The following PARP8 variants were observed in gnomAD, a reference collection of about 807,000 sequenced individuals.
PARP8 encodes poly(ADP-ribose) polymerase family member 8.
In PARP8, 51 loss-of-function variants were observed where a neutral mutation model predicts 124.1. That is an observed-to-expected ratio of 0.41 (90% CI 0.33 to 0.52). PARP8 has a LOEUF of 0.52. Among genes scored for constraint, PARP8 ranks in the 20% least tolerant of loss-of-function variants. The pLI, the probability that PARP8 is intolerant of heterozygous loss-of-function variation, is 0.21. For missense variants in PARP8, 860 were observed against 1,018.9 expected, an observed-to-expected ratio of 0.84 and a Z score of 2.12; for synonymous variants, 391 against 361.5, an observed-to-expected ratio of 1.08 and a Z score of -0.93.
At chr5:50,778,537 A>G in intron 8 of PARP8, 23 bp from the exon 9 acceptor site, 1 of 1,553,164 alleles carries the variant, frequency 6.4e-7, no homozygotes, top group South Asian at 1.2e-5. Context: ...TGATTAATTC[A>G]TCTTTTAAAT....
rs758320963 is a variant in PARP8, at chr5:50,795,354, C to G, written c.1365C>G (p.Leu455=). 178 of 1,613,934 alleles carry G rather than the reference C, an allele frequency of 1.1e-4. No homozygotes were observed. Among genetic ancestry groups the G allele is most frequent in the Non-Finnish European group, 1.5e-4 (172 of 1,179,968 alleles). Reference sequence around the variant, plus strand: ...AACCTAACGCAGAGGGCAGGAGGCTCTCTCTTACCTCAGGGCTTATTGGTA... The same window carrying G: ...AACCTAACGCAGAGGGCAGGAGGCTGTCTCTTACCTCAGGGCTTATTGGTA... The part of the protein sequence containing the change: ...FKEPNAEGRR[L]SLTSGLIGIL... The change falls in exon 12 of 26, where the codon CTC becomes CTG. Residue 455 remains leucine (L), a synonymous_variant. Transcript: ENST00000281631.
At chr5:50,725,734 G>A (rs1756359471) in intron 2 of PARP8, among the ~76,000 whole-genome samples, 1 of 152,144 alleles carries the variant, frequency 6.6e-6, no homozygotes, top group African/African-American at 2.4e-5. Flanking sequence ...TCAGGCAACT[G>A]TCTGTAGTTT....
intron 2 of PARP8, among the ~76,000 whole-genome samples, chr5:50,718,733 A>C (rs1431907412): frequency 1.3e-5 from 2 of 151,992 alleles, no homozygotes; most frequent in Non-Finnish European, 2.9e-5. Context: ...ATGGACACTT[A>C]GGTTACTTCC....
intron 3 of PARP8, among the ~76,000 whole-genome samples, chr5:50,750,984 C>G (rs1467963411): frequency 6.6e-6 from 1 of 152,008 alleles, no homozygotes; most frequent in Admixed American, 6.6e-5. Context: ...GTTTTTGATG[C>G]TATGTTTGCC....
At chr5:50,787,776 T>C (rs531479999) in intron 9 of PARP8, among the ~76,000 whole-genome samples, 30 of 151,698 alleles carry the variant, frequency 2.0e-4, no homozygotes, top group African/African-American at 6.8e-4. Context: ...TAAAGAAATA[T>C]ATGTATATAT....
chr5:50,679,164 AAAAGCAGC>A (rs1561234071), intron 2 of PARP8, among the ~76,000 whole-genome samples: 1 of 152,176 alleles, frequency 6.6e-6, no homozygotes, highest in Non-Finnish European at 1.5e-5. Context: ...ACAAAAGTTA[AAAAGCAGC>A]AATAGTGTAC....
At chr5:50,684,319 T>C (rs1751615577) in intron 2 of PARP8, among the ~76,000 whole-genome samples, 1 of 152,060 alleles carries the variant, frequency 6.6e-6, no homozygotes, top group Admixed American at 6.6e-5. Context: ...GGTCCTGAAA[T>C]CAGTAGCCTT....
intron 3 of PARP8, among the ~76,000 whole-genome samples, chr5:50,750,878 A>G (rs1413767246): frequency 6.6e-6 from 1 of 151,714 alleles, no homozygotes; most frequent in African/African-American, 2.4e-5. Context: ...AGTGTTCTAG[A>G]GAAATTTTAC....
At chr5:50,784,279 G>A (rs1317333914) in intron 9 of PARP8, among the ~76,000 whole-genome samples, 1 of 152,152 alleles carries the variant, frequency 6.6e-6, no homozygotes, top group Admixed American at 6.5e-5. Flanking sequence ...GAAATGATAC[G>A]AATTGAAGAC....
intron 2 of PARP8, among the ~76,000 whole-genome samples, chr5:50,695,315 A>G (rs1752910201): frequency 1.3e-5 from 2 of 152,120 alleles, no homozygotes; most frequent in South Asian, 2.1e-4. Flanking sequence ...AGGTGTCACC[A>G]TGACCTGATG....
At position 50,733,111 on chromosome 5, in the gene PARP8, G is replaced by A. The variant is rs988833748; in HGVS notation, c.147-17040G>A. On this transcript the variant is annotated intron_variant, in intron 2 of 25. Coordinates refer to ENST00000281631, the MANE Select transcript of PARP8 (RefSeq NM_024615.4). ...GAGGTCAGGAGTTTGAGAACAGTCT[G>A]GCCAACATGGTGAAACCCAGTCTTT... is the stretch of plus-strand genomic sequence containing the variant. Among the ~76,000 whole-genome samples, 9 of 151,804 alleles carry A rather than the reference G, an allele frequency of 5.9e-5. No individual in the cohort carries two copies. The South Asian group carries it at 1.0e-3, about 18-fold the overall frequency.
chr5:50,749,721 C>T (rs1759018895), intron 2 of PARP8, among the ~76,000 whole-genome samples: 1 of 152,002 alleles, frequency 6.6e-6, no homozygotes, highest in Admixed American at 6.6e-5. Context: ...AAAAGTACTT[C>T]ATATTTTGGG....
intron 10 of PARP8, among the ~76,000 whole-genome samples, chr5:50,790,533 A>G (rs1382859177): frequency 6.6e-6 from 1 of 152,008 alleles, no homozygotes; most frequent in African/African-American, 2.4e-5. Flanking sequence ...TACTTTGTGT[A>G]CTTTTGCAAG....
Position 50,824,796 on chromosome 5 carries a change from AAAT to A in PARP8, c.1861-111_1861-109del, listed in dbSNP as rs199687769. 2.3e-3 allele frequency: 1,794 copies of A among 767,948 alleles called. 23 individuals carry two copies. In the African/African-American group the frequency reaches 0.026, roughly 11 times the overall value. 47.6% of individuals were successfully genotyped at this position (767,948 alleles called of 1,614,324 possible). On this transcript the variant is annotated intron_variant, in intron 17 of 25. Coordinates refer to ENST00000281631, the MANE Select transcript of PARP8 (RefSeq NM_024615.4). ...GTTGTTGTTCCCATGTTAAGTCCAT[AAAT>A]TTTTAAGTCTTACTAGATTAGGCAT...
At chr5:50,720,457 T>A (rs899324207) in intron 2 of PARP8, among the ~76,000 whole-genome samples, 1 of 152,008 alleles carries the variant, frequency 6.6e-6, no homozygotes, top group African/African-American at 2.4e-5. Flanking sequence ...CGCCTCTTCC[T>A]TATGGTCCTG....
At chr5:50,781,764 G>C (rs1212021016) in intron 9 of PARP8, among the ~76,000 whole-genome samples, 1 of 152,092 alleles carries the variant, frequency 6.6e-6, no homozygotes, top group East Asian at 1.9e-4. Flanking sequence ...TAGTGTGAAG[G>C]TACAGTGGCC....
rs1580533397 is a variant in PARP8, at chr5:50,842,147, A to T, written c.*79A>T. 2.1e-6 allele frequency: 2 copies of T among 965,476 alleles called. No homozygotes were observed. Among genetic ancestry groups the T allele is most frequent in the East Asian group, 5.6e-5 (2 of 35,720 alleles). The allele number at this position is 965,476 out of a possible 1,614,324, so 59.8% of individuals were successfully genotyped here. ...GATTTTGAACTGAAGAAGATTATAA[A>T]ATTATTTATTGTTATTATAAACAAA... On this transcript the variant is annotated 3_prime_UTR_variant, in exon 26 of 26. Coordinates refer to ENST00000281631, the MANE Select transcript of PARP8 (RefSeq NM_024615.4).
chr5:50,684,325 G>A (rs1751616291), intron 2 of PARP8, among the ~76,000 whole-genome samples: 1 of 152,038 alleles, frequency 6.6e-6, no homozygotes, highest in South Asian at 2.1e-4. Context: ...GAAATCAGTA[G>A]CCTTTGTCTT....
At chr5:50,754,954 ATG>A (rs1759754803) in intron 3 of PARP8, among the ~76,000 whole-genome samples, 3 of 152,064 alleles carry the variant, frequency 2.0e-5, no homozygotes, top group Admixed American at 6.5e-5. Context: ...GCATTTTTTC[ATG>A]TGTCTGTTGG....
Sources: gnomAD v4.1 joint callset for allele counts (sites outside exome capture counted in the v4.1 genomes callset) on GRCh38, gnomAD v4.1.1 for gene constraint, MANE v1.5 for transcripts, NCBI Gene and HGNC (gene_info 2026-07-23, HGNC 2026-07-21) for gene names.